Variants in TRAP1 observed in about 807,000 individuals in gnomAD.
TRAP1 encodes the protein TNF receptor associated protein 1.
Under a neutral mutation model 89.1 loss-of-function variants are expected in TRAP1, and 102 were observed. That is an observed-to-expected ratio of 1.15 (90% CI 0.98 to 1.35). The LOEUF is 1.35. Ranked by LOEUF, TRAP1 falls within the 40% of genes most tolerant of loss-of-function variation. The probability of loss-of-function intolerance (pLI) is 0.00; values close to 1 mark genes in which losing one functional copy is unlikely to be tolerated. For synonymous variants in TRAP1, 508 were observed against 388.0 expected (o/e 1.31, Z -3.64); for missense variants, 1,256 against 945.3 (o/e 1.33, Z -4.31).
rs1180253657 is a variant in TRAP1, at chr16:3,692,218, A to G, written c.89-1233T>C. ...AAGTAGAAAGGAAAGACAACAGAAT[A>G]TCCAGGAATCAAGGTTTTAAAAATC... On this transcript the variant is annotated intron_variant, in intron 1 of 17. Transcript: ENST00000246957. Among the ~76,000 whole-genome samples, 4 of 152,164 alleles carry G rather than the reference A, an allele frequency of 2.6e-5. No homozygotes were observed. In the East Asian group the frequency reaches 7.7e-4, roughly 29 times the overall value.
chr16:3,688,432 G>A (rs773175608), intron 3 of TRAP1, among the ~76,000 whole-genome samples: 7 of 152,116 alleles, frequency 4.6e-5, no homozygotes, highest in East Asian at 1.9e-4. Flanking sequence ...GCCTCAGAGC[G>A]TATCCAAAGC....
chr16:3,679,048 T>C (rs774964130), intron 5 of TRAP1, among the ~76,000 whole-genome samples: 21 of 152,136 alleles, frequency 1.4e-4, no homozygotes, highest in Admixed American at 2.6e-4. Context: ...CTGGGCATAG[T>C]GACGTGCACC....
rs570751700 is a variant in TRAP1, at chr16:3,699,444, G to A, written c.89-8459C>T. On this transcript the variant is annotated intron_variant, in intron 1 of 17. Coordinates refer to ENST00000246957, the MANE Select transcript of TRAP1 (RefSeq NM_016292.3). ...CTGAGGTCAGGAGTTCAAGACCAGCGTGACCAACAGGGTGAAACCCCATCT... is the reference window on the plus strand; with the variant it reads ...CTGAGGTCAGGAGTTCAAGACCAGCATGACCAACAGGGTGAAACCCCATCT... Among the ~76,000 whole-genome samples, 11 of 151,442 alleles carry A rather than the reference G, an allele frequency of 7.3e-5. No individual in the cohort carries two copies. In the South Asian group the frequency reaches 1.7e-3, roughly 23 times the overall value.
intron 16 of TRAP1, chr16:3,660,307 A>C (rs1387649400): frequency 1.3e-5 from 2 of 152,218 alleles, no homozygotes; most frequent in African/African-American, 4.8e-5. Context: ...TTGAATTCTG[A>C]ACTATGTGGA....
At position 3,677,546 on chromosome 16, in the gene TRAP1, G is replaced by C; in HGVS notation, c.656C>G (p.Ser219Cys). The C allele has an allele frequency of 2.5e-6, 4 of 1,614,168 alleles. No homozygotes were observed. In the South Asian group the frequency reaches 4.4e-5, roughly 18 times the overall value. The change falls in exon 6 of 18, where the codon TCC (serine) becomes TGC (cysteine). Residue 219 changes from serine (S) to cysteine (C), a missense_variant. Ser to Cys is a moderately radical substitution (Grantham distance 112, BLOSUM62 -1). Transcript: ENST00000246957. ...FMVADRVEVY[S>C]RSAAPGSLGY... ...CAGGCTCCCCGGGGCTGCCGAGCGG[G>C]AATAGACCTCCACTCTGTCAGCCAC...
chr16:3,663,319 C>A lies in TRAP1; in HGVS notation c.1708+105G>T, dbSNP rs2050731839. The A allele has an allele frequency of 3.4e-6, 5 of 1,486,416 alleles. No individual in the cohort carries two copies. In the Admixed American group the frequency reaches 9.9e-5, roughly 29 times the overall value. 92.1% of individuals were successfully genotyped at this position (1,486,416 alleles called of 1,614,324 possible). ...AAGGCTCTTCTCGGGGGTGGCTGAG[C>A]CCAGGTCAACTGACGAAAACCCAAA... On this transcript the variant is annotated intron_variant, in intron 14 of 17. Coordinates refer to ENST00000246957, the MANE Select transcript of TRAP1 (RefSeq NM_016292.3).
intron 3 of TRAP1, among the ~76,000 whole-genome samples, chr16:3,687,874 A>C (rs2051158159): frequency 6.6e-6 from 1 of 151,226 alleles, no homozygotes; most frequent in Admixed American, 6.6e-5. Context: ...AAAAAAAAAA[A>C]AAACAAAAAC....
intron 6 of TRAP1, 31 bp downstream of exon 6, chr16:3,677,467 A>T (rs1301539157): frequency 6.2e-7 from 1 of 1,614,024 alleles, no homozygotes; most frequent in East Asian, 2.2e-5. Flanking sequence ...CTCAGCTTTG[A>T]GCTGCCTGTC....
At chr16:3,695,718 G>A (rs1175202650) in intron 1 of TRAP1, among the ~76,000 whole-genome samples, 1 of 152,096 alleles carries the variant, frequency 6.6e-6, no homozygotes, top group African/African-American at 2.4e-5. Flanking sequence ...GACTGTTACT[G>A]TAAAACTAAC....
intron 12 of TRAP1, among the ~76,000 whole-genome samples, chr16:3,665,626 T>C (rs887958477): frequency 6.6e-6 from 1 of 152,276 alleles, no homozygotes; most frequent in Admixed American, 6.5e-5. Context: ...TCGGAGTCCT[T>C]GGCTTGTCCC....
Position 3,663,503 on chromosome 16 carries a change from G to C in TRAP1, c.1629C>G (p.Asp543Glu), listed in dbSNP as rs202156214. The change falls in exon 14 of 18, where the codon GAC becomes GAG. Residue 543 changes from aspartate to glutamate, a missense_variant. By Grantham distance (45) the Asp-to-Glu change is conservative. Transcript: ENST00000246957. Reference protein sequence around the residue: ...ELTLLHLREFDKKKLISVETD... With the variant: ...ELTLLHLREFEKKKLISVETD... The stretch of plus-strand genomic sequence containing the variant: ...TCTCCACAGAGATCAGCTTCTTCTT[G>C]TCAAACTCACGAAGGTGCAGCAGGG... 2 of 1,614,146 alleles carry C rather than the reference G, an allele frequency of 1.2e-6. No homozygotes were observed. Among genetic ancestry groups the C allele is most frequent in the Non-Finnish European group, 1.7e-6 (2 of 1,180,030 alleles).
At chr16:3,702,441 C>A (rs891169007) in intron 1 of TRAP1, among the ~76,000 whole-genome samples, 25 of 151,524 alleles carry the variant, frequency 1.6e-4, no homozygotes, top group Non-Finnish European at 2.9e-4. Context: ...TTTCAAGAGG[C>A]AGATCATTTT....
chr16:3,671,298 G>A (rs1257330205), intron 11 of TRAP1, among the ~76,000 whole-genome samples: 2 of 152,234 alleles, frequency 1.3e-5, no homozygotes, highest in African/African-American at 2.4e-5. Flanking sequence ...GGGAAAAAAA[G>A]CCAGTAAGCG....
At chr16:3,675,023 G>T in intron 8 of TRAP1, 1 of 403,168 alleles carries the variant, frequency 2.5e-6, no homozygotes, top group Non-Finnish European at 4.5e-6. Context: ...GATGCGGGGT[G>T]GCTGCACAGC....
intron 1 of TRAP1, among the ~76,000 whole-genome samples, chr16:3,695,443 G>C (rs1001918999): frequency 6.6e-6 from 1 of 151,434 alleles, no homozygotes; most frequent in Non-Finnish European, 1.5e-5. Context: ...GGCCGAGGTG[G>C]AAGGACTGCT....
chr16:3,713,780 G>A (rs943495470), intron 1 of TRAP1, among the ~76,000 whole-genome samples: 13 of 152,184 alleles, frequency 8.5e-5, no homozygotes, highest in African/African-American at 1.9e-4. Context: ...TTTAGGAGGC[G>A]GCCTCATCCT....
intron 2 of TRAP1, among the ~76,000 whole-genome samples, chr16:3,690,502 C>T (rs2051198896): frequency 6.6e-6 from 1 of 152,204 alleles, no homozygotes; most frequent in African/African-American, 2.4e-5. Context: ...CTCCAGAATT[C>T]GGTCCTGCGC....
intron 1 of TRAP1, among the ~76,000 whole-genome samples, chr16:3,708,026 A>G (rs2051474549): frequency 6.6e-6 from 1 of 152,100 alleles, no homozygotes; most frequent in African/African-American, 2.4e-5. Flanking sequence ...CTCTAAAAAA[A>G]ATGTTTTTTA....
At chr16:3,659,095 G>A (rs541254632) in intron 16 of TRAP1, 3 of 517,052 alleles carry the variant, frequency 5.8e-6, no homozygotes, top group Non-Finnish European at 1.0e-5. Context: ...CAAACTCCAA[G>A]ATTAATATAC....
Sources: allele counts gnomAD v4.1 joint callset (sites outside exome capture counted in the v4.1 genomes callset), GRCh38; gene constraint gnomAD v4.1.1; transcripts MANE v1.5; gene names NCBI Gene and HGNC (gene_info 2026-07-23, HGNC 2026-07-21).